Variants in RGL1 observed in about 807,000 individuals in gnomAD.
RGL1 encodes the protein ral guanine nucleotide dissociation stimulator-like 1.
In RGL1, 24 loss-of-function variants were observed where a neutral mutation model predicts 95.2. The observed-to-expected ratio is 0.25, with a 90% confidence interval of 0.18 to 0.35. The LOEUF (loss-of-function observed/expected upper bound fraction) is 0.35, where lower values mean the gene tolerates loss of function less well. Among genes scored for constraint, RGL1 ranks in the 10% least tolerant of loss-of-function variants. The probability of loss-of-function intolerance (pLI) is 1.00; values close to 1 mark genes in which losing one functional copy is unlikely to be tolerated. For missense variants in RGL1, 715 were observed against 936.3 expected, an observed-to-expected ratio of 0.76 and a Z score of 3.08; for synonymous variants, 329 against 344.9, an observed-to-expected ratio of 0.95 and a Z score of 0.51.
chr1:183,711,544 G>A (rs865851111), intron 1 of RGL1, among the ~76,000 whole-genome samples: 3 of 152,128 alleles, frequency 2.0e-5, no homozygotes, highest in African/African-American at 7.2e-5. Flanking sequence ...CTTTCCAACC[G>A]CCTCTTAAGA....
intron 3 of RGL1, among the ~76,000 whole-genome samples, chr1:183,857,361 T>C (rs1369643705): frequency 6.6e-6 from 1 of 152,244 alleles, no homozygotes; most frequent in East Asian, 1.9e-4. Flanking sequence ...CTTGTTGGAC[T>C]TCTGACTTAC....
At chr1:183,843,588 A>AAATAGTTCT (rs1664209300) in intron 2 of RGL1, among the ~76,000 whole-genome samples, 1 of 152,318 alleles carries the variant, frequency 6.6e-6, no homozygotes, top group South Asian at 2.1e-4. Context: ...CTCGGTGAAA[A>AAATAGTTCT]AATAGTTCTT....
intron 1 of RGL1, among the ~76,000 whole-genome samples, chr1:183,686,807 T>C (rs533905457): frequency 1.3e-5 from 2 of 152,290 alleles, no homozygotes; most frequent in East Asian, 3.9e-4. Flanking sequence ...ATCAGACTTG[T>C]ATATGCAATT....
chr1:183,686,098 A>C (rs527683129), intron 1 of RGL1, among the ~76,000 whole-genome samples: 200 of 152,302 alleles, frequency 1.3e-3, no homozygotes, highest in African/African-American at 4.7e-3. Context: ...AAAATAGTTC[A>C]TGGGTTACTA....
At chr1:183,652,531 G>A (rs1650837986) in intron 1 of RGL1, among the ~76,000 whole-genome samples, 1 of 152,192 alleles carries the variant, frequency 6.6e-6, no homozygotes, top group South Asian at 2.1e-4. Context: ...AGAATTCATG[G>A]TTTATTGTAT....
At chr1:183,814,200 AG>A in intron 2 of RGL1, among the ~76,000 whole-genome samples, 1 of 25,674 alleles carries the variant, frequency 3.9e-5, no homozygotes, top group Non-Finnish European at 7.3e-5. Context: ...TCTCATACAG[AG>A]AGAGAGAGAG....
chr1:183,849,483 G>GTTTTTTTTTTTTTTTTTTT (rs1418103960), intron 3 of RGL1, among the ~76,000 whole-genome samples: 2 of 120,854 alleles, frequency 1.7e-5, no homozygotes, highest in African/African-American at 3.2e-5. Context: ...CCAGTTTTTA[G>GTTTTTTTTTTTTTTTTTTT]TTTTTTTTTT....
chr1:183,760,589 A>C (rs1658607866), intron 2 of RGL1, among the ~76,000 whole-genome samples: 1 of 149,472 alleles, frequency 6.7e-6, no homozygotes, highest in Non-Finnish European at 1.5e-5. Flanking sequence ...AAAAAAAAAA[A>C]AAAACAAACC....
chr1:183,814,198 A>G (rs1661921030), intron 2 of RGL1, among the ~76,000 whole-genome samples: 1 of 25,464 alleles, frequency 3.9e-5, no homozygotes, highest in Non-Finnish European at 7.3e-5. Flanking sequence ...AGTCTCATAC[A>G]GAGAGAGAGA....
chr1:183,752,707 T>TCTCTCTCTCTCTCTCTCTCTCTCTCC (rs1337166963), intron 2 of RGL1, among the ~76,000 whole-genome samples: 1 of 143,424 alleles, frequency 7.0e-6, no homozygotes, highest in African/African-American at 2.7e-5. Context: ...TCTCTCTCTT[T>TCTCTCTCTCTCTCTCTCTCTCTCTCC]CCCCTTTCCT....
chr1:183,901,935 T>G lies in RGL1; in HGVS notation c.1318-633T>G, dbSNP rs116961367. On this transcript the variant is annotated intron_variant, in intron 11 of 17. Transcript: ENST00000360851. Reference sequence around the variant, plus strand: ...TTAATTAGAAGAAGTAGAAGTTACTTTGCATAGATCTACCTACCTTTGGAT... The same window carrying G: ...TTAATTAGAAGAAGTAGAAGTTACTGTGCATAGATCTACCTACCTTTGGAT... 6.6e-3 allele frequency among the ~76,000 whole-genome samples: 999 copies of G among 152,310 alleles called. 30 individuals carry two copies. The highest frequency in any genetic ancestry group is 0.045 in the Admixed American group (691 of 15,300).
intron 1 of RGL1, among the ~76,000 whole-genome samples, chr1:183,737,583 A>AG (rs11457554): frequency 2.8e-5 from 1 of 35,968 alleles, no homozygotes; most frequent in South Asian, 1.3e-3. Flanking sequence ...CTATCTCTAC[A>AG]AAAAAAAAAA....
intron 2 of RGL1, among the ~76,000 whole-genome samples, chr1:183,810,577 G>T (rs1661640027): frequency 6.6e-6 from 1 of 152,218 alleles, no homozygotes; most frequent in African/African-American, 2.4e-5. Context: ...AGAAATAAAA[G>T]AACCTAGAAA....
intron 2 of RGL1, among the ~76,000 whole-genome samples, chr1:183,749,796 A>G (rs1042218346): frequency 1.3e-5 from 2 of 152,100 alleles, no homozygotes; most frequent in Non-Finnish European, 2.9e-5. Flanking sequence ...TCTGTAAAGG[A>G]CTGTATTTCT....
intron 1 of RGL1, among the ~76,000 whole-genome samples, chr1:183,669,145 T>C (rs1278180883): frequency 6.6e-6 from 1 of 152,072 alleles, no homozygotes; most frequent in Admixed American, 6.6e-5. Context: ...GGTTTCACCA[T>C]GTTGGCCAGG....
intron 2 of RGL1, among the ~76,000 whole-genome samples, chr1:183,833,037 T>C (rs750866651): frequency 1.1e-4 from 17 of 152,144 alleles, no homozygotes; most frequent in Non-Finnish European, 2.2e-4. Context: ...GGAACACCTA[T>C]TGAATTTCAT....
At chr1:183,690,215 T>C (rs1426926800) in intron 1 of RGL1, among the ~76,000 whole-genome samples, 1 of 152,192 alleles carries the variant, frequency 6.6e-6, no homozygotes, top group Non-Finnish European at 1.5e-5. Context: ...ACAGACACTT[T>C]CTACACCTAT....
rs560663172 is a variant in RGL1, at chr1:183,767,360, C to A, written c.132+25071C>A. Among the ~76,000 whole-genome samples, 4 of 152,162 alleles carry A rather than the reference C, an allele frequency of 2.6e-5. No individual in the cohort carries two copies. In the East Asian group the frequency reaches 7.7e-4, roughly 29 times the overall value. ...AAAGCAAAAACAGATAAATAGGAAG[C>A]CCCAAATTTTTCTCTTACTCAGATA... is the stretch of plus-strand genomic sequence containing the variant. On this transcript the variant is annotated intron_variant, in intron 2 of 18. Transcript: ENST00000304685.
intron 4 of RGL1, among the ~76,000 whole-genome samples, chr1:183,870,728 T>C (rs1233980514): frequency 6.6e-6 from 1 of 152,244 alleles, no homozygotes; most frequent in African/African-American, 2.4e-5. Context: ...AGCCCTGCTA[T>C]GTAGTATTGA....
Sources: allele counts gnomAD v4.1 joint callset (sites outside exome capture counted in the v4.1 genomes callset), GRCh38; gene constraint gnomAD v4.1.1; transcripts MANE v1.5; gene names NCBI Gene and HGNC (gene_info 2026-07-23, HGNC 2026-07-21).